SYT16: variants seen among roughly 807,000 people sequenced by gnomAD.
SYT16 encodes synaptotagmin 16.
SYT16 carries 42 observed loss-of-function variants against 61.4 expected under a neutral mutation model. The ratio of observed to expected loss-of-function variants is 0.68; its 90% confidence interval spans 0.53 to 0.89. The LOEUF is 0.89. Among genes scored for constraint, SYT16 ranks in the 40% least tolerant of loss-of-function variants. SYT16 has a pLI of 0.00. For synonymous variants in SYT16, 314 were observed against 302.3 expected, an observed-to-expected ratio of 1.04 and a Z score of -0.40; for missense variants, 804 against 807.3, an observed-to-expected ratio of 1.00 and a Z score of 0.05.
rs74698945 is a variant in SYT16 at position 62,060,902 on chromosome 14, T to C, written c.524-8701T>C. 5.0e-3 allele frequency among the ~76,000 whole-genome samples: 760 copies of C among 152,180 alleles called. 8 individuals carry two copies. The highest frequency in any genetic ancestry group is 0.016 in the African/African-American group (658 of 41,564). On this transcript the variant is annotated intron_variant, in intron 3 of 7. Coordinates refer to ENST00000683842, the MANE Select transcript of SYT16 (RefSeq NM_001367656.1). ...ATAAGAGTTGTGTAGAGATTGGTACTATTTGATATTTATTGAACTCTATAT... is the reference window on the plus strand; with the variant it reads ...ATAAGAGTTGTGTAGAGATTGGTACCATTTGATATTTATTGAACTCTATAT...
chr14:61,849,064 A>G (rs1421793195), intron 1 of SYT16, among the ~76,000 whole-genome samples: 1 of 152,220 alleles, frequency 6.6e-6, no homozygotes, highest in Non-Finnish European at 1.5e-5. Context: ...CCTTCAAGGC[A>G]GCAGGCTCCC....
chr14:61,995,882 G>A lies in SYT16; in HGVS notation c.-138G>A. Reference sequence around the variant, plus strand: ...TTTCTTTCCTCTGTTTCAGCTGGAAGTTTTGAGAGTGAAATATTCACAGCC... The same window carrying A: ...TTTCTTTCCTCTGTTTCAGCTGGAAATTTTGAGAGTGAAATATTCACAGCC... On this transcript the variant is annotated 5_prime_UTR_variant, in exon 3 of 8. Coordinates refer to ENST00000683842, the MANE Select transcript of SYT16 (RefSeq NM_001367656.1). 1.2e-6 allele frequency: 1 copy of A among 855,978 alleles called. No homozygotes were observed. The highest frequency in any genetic ancestry group is 1.7e-6 in the Non-Finnish European group (1 of 580,624). 53.0% of individuals were successfully genotyped at this position (855,978 alleles called of 1,614,324 possible).
chr14:61,913,420 A>T (rs1044001917), intron 1 of SYT16, among the ~76,000 whole-genome samples: 7 of 152,110 alleles, frequency 4.6e-5, no homozygotes, highest in African/African-American at 7.2e-5. Flanking sequence ...CCAAAAAATT[A>T]AAAAAAATTA....
intron 5 of SYT16, among the ~76,000 whole-genome samples, chr14:62,075,618 A>G (rs376813332): frequency 0.16 from 21,450 of 134,688 alleles, 1,701 homozygotes; most frequent in African/African-American, 0.22. Context: ...AAAAAAAAAA[A>G]AGAAAAAAAG....
At chr14:61,846,423 C>G (rs1392554716) in intron 1 of SYT16, among the ~76,000 whole-genome samples, 1 of 152,068 alleles carries the variant, frequency 6.6e-6, no homozygotes, top group African/African-American at 2.4e-5. Context: ...CCTTCTTTGT[C>G]TCCTCTTACA....
intron 3 of SYT16, among the ~76,000 whole-genome samples, chr14:62,015,304 T>C (rs2053626295): frequency 6.6e-6 from 1 of 152,054 alleles, no homozygotes; most frequent in African/African-American, 2.4e-5. Context: ...AATGAATGGC[T>C]AAATGAAGGA....
intron 1 of SYT16, among the ~76,000 whole-genome samples, chr14:61,840,609 AT>A (rs1409450766): frequency 6.6e-6 from 1 of 150,900 alleles, no homozygotes; most frequent in African/African-American, 2.4e-5. Context: ...TTATTCATTT[AT>A]TTTTATTAGG....
chr14:62,056,949 T>C (rs1404985121), intron 3 of SYT16, among the ~76,000 whole-genome samples: 3 of 152,022 alleles, frequency 2.0e-5, no homozygotes, highest in Admixed American at 2.0e-4. Context: ...GGGAGGCTCT[T>C]CGGGAGGCAT....
chr14:62,026,752 G>A lies in SYT16; in HGVS notation c.523+30210G>A, dbSNP rs372878826. On this transcript the variant is annotated intron_variant, in intron 3 of 7. Transcript: ENST00000683842. ...GCATAGCATGTAGAAGGTACTCAGAGAATATATGAGAATAAATGAATAACA... is the reference window on the plus strand; with the variant it reads ...GCATAGCATGTAGAAGGTACTCAGAAAATATATGAGAATAAATGAATAACA... 2.4e-3 allele frequency among the ~76,000 whole-genome samples: 366 copies of A among 152,294 alleles called. 3 individuals are homozygous for A. Among genetic ancestry groups the A allele is most frequent in the African/African-American group, 7.2e-3 (300 of 41,568 alleles).
chr14:61,993,844 A>G (rs1316513142), intron 2 of SYT16, among the ~76,000 whole-genome samples: 1 of 152,134 alleles, frequency 6.6e-6, no homozygotes, highest in Admixed American at 6.6e-5. Context: ...TGTTTTTTGC[A>G]TGATTTTTAA....
intron 3 of SYT16, among the ~76,000 whole-genome samples, chr14:62,014,789 C>T (rs910324985): frequency 1.1e-4 from 17 of 152,050 alleles, no homozygotes; most frequent in Non-Finnish European, 1.9e-4. Flanking sequence ...GTTTCCCCCT[C>T]CGAATGTTCA....
chr14:61,993,340 T>G (rs1428543448), intron 2 of SYT16, among the ~76,000 whole-genome samples: 1 of 152,016 alleles, frequency 6.6e-6, no homozygotes, highest in African/African-American at 2.4e-5. Context: ...AGATCCAGAT[T>G]GATGGGTGCA....
chr14:61,835,824 G>A (rs59224897), intron 1 of SYT16, among the ~76,000 whole-genome samples: 25,716 of 152,006 alleles, frequency 0.17, 2,528 homozygotes, highest in African/African-American at 0.28. Context: ...CTTTTCTACA[G>A]AAATACATTT....
intron 1 of SYT16, among the ~76,000 whole-genome samples, chr14:61,819,083 G>A (rs1297118346): frequency 6.6e-6 from 1 of 152,126 alleles, no homozygotes; most frequent in African/African-American, 2.4e-5. Context: ...ACCCAGTAAA[G>A]CTTTTTCTTG....
At position 62,069,637 on chromosome 14, in the gene SYT16, A is replaced by G. The variant is rs1264639758; in HGVS notation, c.558A>G (p.Thr186=). ...TTGGGGATGACGAAGAGCTGTCCAC[A>G]TCTTCTGACAGTGACGAGGAGGTGA... ...NSFGDDEELS[T]SSDSDEEVIK... Residue 186 remains threonine, a synonymous_variant, in exon 4 of 8, where the codon ACA becomes ACG. Transcript: ENST00000683842. The G allele has an allele frequency of 1.9e-6, 3 of 1,613,832 alleles. No individual in the cohort carries two copies. Among genetic ancestry groups the G allele is most frequent in the Non-Finnish European group, 2.5e-6 (3 of 1,179,862 alleles).
At chr14:62,028,974 C>G (rs749412130) in intron 3 of SYT16, among the ~76,000 whole-genome samples, 3 of 152,154 alleles carry the variant, frequency 2.0e-5, no homozygotes, top group Non-Finnish European at 4.4e-5. Context: ...ACATTAAGTT[C>G]TGGGAACTAT....
At chr14:61,992,139 T>C (rs1001814352) in intron 2 of SYT16, among the ~76,000 whole-genome samples, 5 of 152,088 alleles carry the variant, frequency 3.3e-5, no homozygotes, top group Non-Finnish European at 7.4e-5. Flanking sequence ...TAAAGGCACA[T>C]TCAAAACACT....
chr14:61,901,273 T>A (rs2048504658), intron 1 of SYT16, among the ~76,000 whole-genome samples: 1 of 152,230 alleles, frequency 6.6e-6, no homozygotes, highest in Admixed American at 6.5e-5. Flanking sequence ...AAGAATCCCC[T>A]GTGTACCTAT....
intron 1 of SYT16, among the ~76,000 whole-genome samples, chr14:61,830,620 A>C (rs1464419017): frequency 6.6e-6 from 1 of 152,160 alleles, no homozygotes; most frequent in Non-Finnish European, 1.5e-5. Flanking sequence ...TTCTTTATCC[A>C]GTCCTCTTTT....
Sources: allele counts gnomAD v4.1 joint callset (sites outside exome capture counted in the v4.1 genomes callset), GRCh38; gene constraint gnomAD v4.1.1; transcripts MANE v1.5; gene names NCBI Gene and HGNC (gene_info 2026-07-23, HGNC 2026-07-21).